Variants in ELMO1 observed in about 807,000 individuals in gnomAD.
The protein encoded by ELMO1 is engulfment and cell motility protein 1.
Under a neutral mutation model 98.9 loss-of-function variants are expected in ELMO1, and 26 were observed. The ratio of observed to expected loss-of-function variants is 0.26; its 90% confidence interval spans 0.19 to 0.36. The LOEUF (loss-of-function observed/expected upper bound fraction) is 0.36, where lower values mean the gene tolerates loss of function less well. Ranked by LOEUF, ELMO1 falls within the 10% of genes least tolerant of loss-of-function variation. The probability of loss-of-function intolerance (pLI) is 1.00; values close to 1 mark genes in which losing one functional copy is unlikely to be tolerated. For missense variants in ELMO1, 627 were observed against 935.2 expected, an observed-to-expected ratio of 0.67 and a Z score of 4.30; for synonymous variants, 346 against 346.0, an observed-to-expected ratio of 1.00 and a Z score of 0.00.
At chr7:36,941,827 AG>A (rs1316122612) in intron 16 of ELMO1, among the ~76,000 whole-genome samples, 12 of 152,172 alleles carry the variant, frequency 7.9e-5, no homozygotes, top group Non-Finnish European at 1.5e-5. Flanking sequence ...ACATCCTGAG[AG>A]GGGGGCCTCA....
intron 15 of ELMO1, among the ~76,000 whole-genome samples, chr7:37,042,228 GAA>G (rs1193062925): frequency 1.4e-5 from 2 of 140,550 alleles, no homozygotes; most frequent in Non-Finnish European, 3.1e-5. Flanking sequence ...AAAAAAAAAA[GAA>G]GAGAGAGAAA....
chr7:37,429,649 G>C (rs1043230667), intron 1 of ELMO1: 1 of 152,396 alleles, frequency 6.6e-6, no homozygotes, highest in Non-Finnish European at 1.5e-5. Context: ...GGGGAGATGG[G>C]AGAGTGAATG....
intron 14 of ELMO1, among the ~76,000 whole-genome samples, chr7:37,104,010 CAAAAAAAAAA>C (rs35979251): frequency 6.9e-4 from 20 of 29,022 alleles, no homozygotes; most frequent in South Asian, 2.5e-3. Context: ...GACTCCATCT[CAAAAAAAAAA>C]AAAAAAAAAA....
intron 1 of ELMO1, among the ~76,000 whole-genome samples, chr7:37,372,440 T>C (rs563773095): frequency 1.6e-4 from 25 of 152,304 alleles, no homozygotes; most frequent in African/African-American, 5.5e-4. Flanking sequence ...ATGATTACAA[T>C]GAGTCCCTGG....
At chr7:37,287,553 A>T (rs1197050796) in intron 4 of ELMO1, among the ~76,000 whole-genome samples, 2 of 152,244 alleles carry the variant, frequency 1.3e-5, no homozygotes, top group African/African-American at 4.8e-5. Flanking sequence ...GATGTACTTT[A>T]ATTTCTGTTC....
chr7:37,066,062 C>T (rs748702472), intron 15 of ELMO1, among the ~76,000 whole-genome samples: 3 of 152,176 alleles, frequency 2.0e-5, no homozygotes, highest in East Asian at 1.9e-4. Flanking sequence ...CCTGCTGCCA[C>T]GTAAGACATG....
At chr7:37,002,910 T>C (rs1173695755) in intron 16 of ELMO1, among the ~76,000 whole-genome samples, 1 of 152,124 alleles carries the variant, frequency 6.6e-6, no homozygotes. Context: ...TAGGTATTCC[T>C]AGGGACAAAG....
chr7:37,360,784 A>G (rs1801671235), intron 1 of ELMO1, among the ~76,000 whole-genome samples: 1 of 152,248 alleles, frequency 6.6e-6, no homozygotes, highest in African/African-American at 2.4e-5. Context: ...ATTAACTGCC[A>G]TCTACAAAGG....
At chr7:37,071,670 CTTCCT>C (rs1207098481) in intron 15 of ELMO1, among the ~76,000 whole-genome samples, 58 of 152,116 alleles carry the variant, frequency 3.8e-4, no homozygotes, top group Non-Finnish European at 6.5e-4. Context: ...TTGATAACAT[CTTCCT>C]TTATTTGGTG....
chr7:37,028,112 C>T (rs762295170), intron 15 of ELMO1, among the ~76,000 whole-genome samples: 2 of 151,916 alleles, frequency 1.3e-5, no homozygotes, highest in Non-Finnish European at 2.9e-5. Context: ...TATTATCATC[C>T]CCATTGTACA....
chr7:37,334,490 A>G (rs552638639), intron 2 of ELMO1, among the ~76,000 whole-genome samples: 1 of 152,300 alleles, frequency 6.6e-6, no homozygotes, highest in South Asian at 2.1e-4. Flanking sequence ...TTTTGGTGTT[A>G]TACAGTGCTG....
chr7:37,423,240 C>T (rs574205160), intron 1 of ELMO1, among the ~76,000 whole-genome samples: 2 of 152,210 alleles, frequency 1.3e-5, no homozygotes, highest in Non-Finnish European at 2.9e-5. Flanking sequence ...ATGATTAAGT[C>T]TGTGTCTCTT....
chr7:36,945,216 C>G (rs1351232695), intron 16 of ELMO1, among the ~76,000 whole-genome samples: 1 of 152,154 alleles, frequency 6.6e-6, no homozygotes, highest in African/African-American at 2.4e-5. Flanking sequence ...TTTCTCAAAG[C>G]CTTTGTAGGA....
chr7:37,361,784 C>T (rs912773750), intron 1 of ELMO1, among the ~76,000 whole-genome samples: 1 of 151,496 alleles, frequency 6.6e-6, no homozygotes, highest in African/African-American at 2.4e-5. Flanking sequence ...CACAGGGAAA[C>T]CCTGTTTCTA....
chr7:37,235,941 C>G (rs1794438472), intron 7 of ELMO1, among the ~76,000 whole-genome samples: 1 of 152,058 alleles, frequency 6.6e-6, no homozygotes, highest in African/African-American at 2.4e-5. Context: ...ACAAATAAAC[C>G]AATAAACAAC....
intron 2 of ELMO1, among the ~76,000 whole-genome samples, chr7:37,338,688 T>TCC (rs1800553912): frequency 6.6e-6 from 1 of 151,962 alleles, no homozygotes; most frequent in African/African-American, 2.4e-5. Context: ...ACATAATAGG[T>TCC]TAACAAGAAC....
intron 16 of ELMO1, among the ~76,000 whole-genome samples, chr7:36,986,803 C>T (rs1392204766): frequency 6.6e-6 from 1 of 152,170 alleles, no homozygotes; most frequent in Non-Finnish European, 1.5e-5. Flanking sequence ...CTCACATACT[C>T]AGGAATGCAA....
At chr7:37,092,041 C>T (rs1784124353) in intron 15 of ELMO1, among the ~76,000 whole-genome samples, 1 of 152,152 alleles carries the variant, frequency 6.6e-6, no homozygotes, top group African/African-American at 2.4e-5. Context: ...CCTCAATCTT[C>T]AATCTTGTTC....
chr7:37,308,209 C>T (rs1470410353), intron 4 of ELMO1, among the ~76,000 whole-genome samples: 3 of 152,208 alleles, frequency 2.0e-5, no homozygotes, highest in African/African-American at 4.8e-5. Flanking sequence ...CATAGGCTGA[C>T]AATTCTTCCA....
Sources: allele counts gnomAD v4.1 joint callset (sites outside exome capture counted in the v4.1 genomes callset), GRCh38; gene constraint gnomAD v4.1.1; transcripts MANE v1.5; gene names NCBI Gene and HGNC (gene_info 2026-07-23, HGNC 2026-07-21).